ADARB2: variants seen among roughly 807,000 people sequenced by gnomAD.
ADARB2 encodes the protein inactive double-stranded RNA-specific editase B2.
In ADARB2, 25 loss-of-function variants were observed where a neutral mutation model predicts 62.2. That is an observed-to-expected ratio of 0.40 (90% CI 0.29 to 0.56). The LOEUF (loss-of-function observed/expected upper bound fraction) is 0.56. ADARB2 is among the 20% of genes least tolerant of loss of function. The pLI is 0.43. For missense variants in ADARB2, 1,071 were observed against 1,077.4 expected, an observed-to-expected ratio of 0.99 and a Z score of 0.08; for synonymous variants, 572 against 500.8, an observed-to-expected ratio of 1.14 and a Z score of -1.90.
chr10:1,668,698 G>A (rs1432142981), intron 1 of ADARB2, among the ~76,000 whole-genome samples: 2 of 152,208 alleles, frequency 1.3e-5, no homozygotes, highest in African/African-American at 4.8e-5. Context: ...GGCACTTTAT[G>A]AGAACCAATT....
chr10:1,731,253 C>T (rs945605576), intron 1 of ADARB2, among the ~76,000 whole-genome samples: 6 of 152,182 alleles, frequency 3.9e-5, no homozygotes, highest in African/African-American at 1.2e-4. Flanking sequence ...TTTGCTAGGG[C>T]GTTGCTTAAA....
chr10:1,432,432 A>C (rs1830786169), intron 1 of ADARB2, among the ~76,000 whole-genome samples: 1 of 151,784 alleles, frequency 6.6e-6, no homozygotes, highest in Non-Finnish European at 1.5e-5. Context: ...TAATTCTCTG[A>C]AGTTTTACAC....
chr10:1,191,279 A>G (rs1836841385), intron 8 of ADARB2, among the ~76,000 whole-genome samples: 1 of 152,240 alleles, frequency 6.6e-6, no homozygotes. Flanking sequence ...GGCTGCCCAG[A>G]GAGCAGTTCT....
chr10:1,716,754 G>T (rs773722591), intron 1 of ADARB2, among the ~76,000 whole-genome samples: 1 of 152,166 alleles, frequency 6.6e-6, no homozygotes, highest in Non-Finnish European at 1.5e-5. Flanking sequence ...AGTTGAAGTG[G>T]CATGCCATGG....
intron 1 of ADARB2, among the ~76,000 whole-genome samples, chr10:1,424,646 CAA>C (rs933022106): frequency 2.1e-5 from 3 of 143,492 alleles, no homozygotes; most frequent in Admixed American, 1.4e-4. Flanking sequence ...CAGGAGTTTG[CAA>C]AAAAAAAAGA....
chr10:1,295,193 G>A (rs374160348), intron 3 of ADARB2, among the ~76,000 whole-genome samples: 7 of 152,160 alleles, frequency 4.6e-5, no homozygotes, highest in Non-Finnish European at 8.8e-5. Flanking sequence ...GACGTTTGTC[G>A]CTGTTGGTTG....
intron 1 of ADARB2, among the ~76,000 whole-genome samples, chr10:1,664,009 C>T (rs530337835): frequency 3.3e-5 from 5 of 152,280 alleles, no homozygotes; most frequent in Admixed American, 1.3e-4. Flanking sequence ...TGGCTGCTGC[C>T]GAGTTTTGGC....
intron 1 of ADARB2, among the ~76,000 whole-genome samples, chr10:1,517,628 C>T (rs975757315): frequency 2.6e-5 from 4 of 152,190 alleles, no homozygotes; most frequent in African/African-American, 4.8e-5. Flanking sequence ...TGTGTCACCT[C>T]GCTTAATAAT....
At chr10:1,275,233 A>G (rs1831303929) in intron 3 of ADARB2, among the ~76,000 whole-genome samples, 1 of 152,238 alleles carries the variant, frequency 6.6e-6, no homozygotes, top group Non-Finnish European at 1.5e-5. Flanking sequence ...AGTGATGCTC[A>G]GCTTTCTTCT....
At chr10:1,254,406 C>A (rs201395643) in intron 4 of ADARB2, among the ~76,000 whole-genome samples, 3 of 152,200 alleles carry the variant, frequency 2.0e-5, no homozygotes, top group Admixed American at 2.0e-4. Context: ...GGGAGAATTG[C>A]TCTCTGCATA....
intron 7 of ADARB2, among the ~76,000 whole-genome samples, chr10:1,211,470 T>A (rs1162140364): frequency 2.0e-5 from 3 of 152,210 alleles, no homozygotes; most frequent in African/African-American, 7.2e-5. Context: ...TGACGTGGAA[T>A]GAGACAAGGT....
chr10:1,636,025 T>A (rs7076628), intron 1 of ADARB2, among the ~76,000 whole-genome samples: 113,668 of 152,160 alleles, frequency 0.75, 45,631 homozygotes, highest in Non-Finnish European at 0.9. Context: ...ACATCAGTGT[T>A]GGGCTCCCAG....
In ADARB2 at chr10:1,737,069, GCCT is replaced by G. The variant is rs774726932; in HGVS notation, c.79_81del (p.Arg29del). The stretch of plus-strand genomic sequence containing the variant: ...TCCTTACCTTTCCGCTTGGACCTCC[GCCT>G]CCTCCTCCTCTTGGACTTGCATTTG... On this transcript the variant is annotated inframe_deletion, in exon 1 of 10. Coordinates refer to ENST00000381312, the MANE Select transcript of ADARB2 (RefSeq NM_018702.4). 4.3e-6 allele frequency: 7 copies of G among 1,611,512 alleles called. No homozygotes were observed. In the Admixed American group the frequency reaches 5.0e-5, roughly 12 times the overall value.
At chr10:1,450,070 C>T (rs1266715425) in intron 1 of ADARB2, among the ~76,000 whole-genome samples, 1 of 152,168 alleles carries the variant, frequency 6.6e-6, no homozygotes, top group Admixed American at 6.5e-5. Flanking sequence ...AGGTGGCCAC[C>T]CTGCCCTCCT....
At chr10:1,494,157 A>T (rs879340566) in intron 1 of ADARB2, among the ~76,000 whole-genome samples, 1 of 152,208 alleles carries the variant, frequency 6.6e-6, no homozygotes, top group Non-Finnish European at 1.5e-5. Context: ...GGTATTCAAT[A>T]GAAAATTTAG....
chr10:1,641,831 G>A (rs1367618257), intron 1 of ADARB2, among the ~76,000 whole-genome samples: 1 of 152,162 alleles, frequency 6.6e-6, no homozygotes, highest in East Asian at 1.9e-4. Context: ...TGGCCAACAC[G>A]ATGAAACCCT....
At chr10:1,290,240 GTTGT>G (rs1008277893) in intron 3 of ADARB2, 10 of 152,264 alleles carry the variant, frequency 6.6e-5, no homozygotes, top group African/African-American at 2.2e-4. Context: ...TCTGCATGTT[GTTGT>G]TTATTTTATG....
intron 1 of ADARB2, among the ~76,000 whole-genome samples, chr10:1,721,863 T>C (rs1039331449): frequency 1.3e-5 from 2 of 152,148 alleles, no homozygotes; most frequent in African/African-American, 4.8e-5. Context: ...AGAAATCGTC[T>C]CCATCTGCCC....
intron 1 of ADARB2, among the ~76,000 whole-genome samples, chr10:1,409,205 GCGGGC>G (rs1832733816): frequency 1.1e-4 from 10 of 91,500 alleles, no homozygotes; most frequent in East Asian, 5.2e-4. Context: ...CTGCCTGACA[GCGGGC>G]TCCCACCTTC....
Sources: gnomAD v4.1 joint callset for allele counts (sites outside exome capture counted in the v4.1 genomes callset) on GRCh38, gnomAD v4.1.1 for gene constraint, MANE v1.5 for transcripts, NCBI Gene and HGNC (gene_info 2026-07-23, HGNC 2026-07-21) for gene names.